RPS6KB1: variants seen among roughly 807,000 people sequenced by gnomAD.
RPS6KB1 encodes the protein ribosomal protein S6 kinase beta-1.
Under a neutral mutation model 70.2 loss-of-function variants are expected in RPS6KB1, and 12 were observed. That is an observed-to-expected ratio of 0.17 (90% CI 0.11 to 0.28). The LOEUF (loss-of-function observed/expected upper bound fraction) is 0.28, where lower values mean the gene tolerates loss of function less well. RPS6KB1 is among the 10% of genes least tolerant of loss of function. RPS6KB1 has a pLI of 1.00. For missense variants in RPS6KB1, 270 were observed against 646.6 expected (o/e 0.42, Z 6.32); for synonymous variants, 175 against 211.2 (o/e 0.83, Z 1.49).
At chr17:59,929,422 G>C (rs1187753846) in intron 5 of RPS6KB1, among the ~76,000 whole-genome samples, 1 of 152,188 alleles carries the variant, frequency 6.6e-6, no homozygotes, top group Non-Finnish European at 1.5e-5. Flanking sequence ...GACATCCATT[G>C]AATCTTGCCT....
chr17:59,912,474 C>A, intron 2 of RPS6KB1: 1 of 455,748 alleles, frequency 2.2e-6, no homozygotes, highest in South Asian at 3.1e-5. Flanking sequence ...AATTGATTGC[C>A]CATTCTATGA....
At chr17:59,899,094 C>T (rs2041746648) in intron 1 of RPS6KB1, among the ~76,000 whole-genome samples, 1 of 151,692 alleles carries the variant, frequency 6.6e-6, no homozygotes, top group Non-Finnish European at 1.5e-5. Context: ...ATCCCAGCTA[C>T]TCGGGAGGCT....
chr17:59,943,559 A>C (rs908935915), intron 13 of RPS6KB1, among the ~76,000 whole-genome samples: 2 of 152,030 alleles, frequency 1.3e-5, no homozygotes, highest in African/African-American at 4.8e-5. Flanking sequence ...AATTCTCTAC[A>C]TAAAGTGGAT....
Position 59,947,846 on chromosome 17 carries a change from G to T in RPS6KB1, c.*1058G>T, listed in dbSNP as rs1309906394. On this transcript the variant is annotated 3_prime_UTR_variant, in exon 15 of 15. Coordinates refer to ENST00000225577, the MANE Select transcript of RPS6KB1 (RefSeq NM_003161.4). ...TCCAGGGGAAGAGGGTGTTGCTGTG[G>T]CCCACTCTCTGTCTAATCTCTTTAC... 13 of 437,040 alleles carry T rather than the reference G, an allele frequency of 3.0e-5. No homozygotes were observed. The highest frequency in any genetic ancestry group is 8.5e-5 in the Admixed American group (2 of 23,558). 27.1% of individuals were successfully genotyped at this position (437,040 alleles called of 1,614,324 possible). A position where few individuals can be genotyped will look rare whatever the true frequency, so the allele number is the denominator to read the frequency against.
At position 59,934,567 on chromosome 17, in the gene RPS6KB1, T is replaced by TGA. The variant is rs774067299; in HGVS notation, c.870+45_870+46dup. 6.3e-6 allele frequency: 9 copies of TGA among 1,433,028 alleles called. No homozygotes were observed. The South Asian group carries it at 9.3e-5, about 15-fold the overall frequency. 88.8% of individuals were successfully genotyped at this position (1,433,028 alleles called of 1,614,324 possible). A position where few individuals can be genotyped will look rare whatever the true frequency, so the allele number is the denominator to read the frequency against. On this transcript the variant is annotated intron_variant, in intron 9 of 14. Transcript: ENST00000225577. The surrounding 1 kb of genome is among the most constrained non-coding windows in gnomAD (Gnocchi z 4.8). ...AGCTGCATGTATTATTGGTCTGTGC[T>TGA]GAGTCACTATAGCAAGAGACCTGTC...
intron 2 of RPS6KB1, among the ~76,000 whole-genome samples, chr17:59,911,265 A>T (rs1482576115): frequency 6.6e-6 from 1 of 152,252 alleles, no homozygotes; most frequent in African/African-American, 2.4e-5. Flanking sequence ...TGTACTCTCA[A>T]GTAAAAAGCA....
rs149509015 is a variant in RPS6KB1, at chr17:59,939,323, C to A, written c.1120-1513C>A. 8.7e-4 allele frequency among the ~76,000 whole-genome samples: 132 copies of A among 151,766 alleles called. No individual in the cohort carries two copies. The East Asian group carries it at 0.021, about 25-fold the overall frequency. On this transcript the variant is annotated intron_variant, in intron 12 of 14. Coordinates refer to ENST00000225577, the MANE Select transcript of RPS6KB1 (RefSeq NM_003161.4). ...TTGAGGCAGGGTCTTACTCTGTCACCCAAGCTGTAGTGCAGTGGTATAATC... is the reference window on the plus strand; with the variant it reads ...TTGAGGCAGGGTCTTACTCTGTCACACAAGCTGTAGTGCAGTGGTATAATC...
rs1010439631 is a variant in RPS6KB1 at position 59,893,515 on chromosome 17, A to G, written c.141+190A>G. 6.6e-5 allele frequency among the ~76,000 whole-genome samples: 10 copies of G among 152,308 alleles called. No homozygotes were observed. The highest frequency in any genetic ancestry group is 2.2e-4 in the African/African-American group (9 of 41,578). ...GGTGTGAGGCCTCTGCGGGGCTCGC[A>G]GGTGCAGGTCGCACCCTTAGCCCCA... On this transcript the variant is annotated intron_variant, in intron 1 of 14. Transcript: ENST00000225577. The surrounding 1 kb of genome is among the most constrained non-coding windows in gnomAD (Gnocchi z 4.1).
chr17:59,931,517 G>A (rs1278217309), intron 6 of RPS6KB1, 105 bp from the exon 7 acceptor site: 1 of 816,066 alleles, frequency 1.2e-6, no homozygotes, highest in Non-Finnish European at 2.1e-6. Context: ...CACTAATTTG[G>A]TCTTTGGTGC....
intron 6 of RPS6KB1, chr17:59,931,389 T>A: frequency 2.2e-6 from 1 of 462,162 alleles, no homozygotes. Flanking sequence ...TTTAGCAATA[T>A]ATTCTAATGG....
intron 4 of RPS6KB1, among the ~76,000 whole-genome samples, chr17:59,918,869 T>C (rs1252570860): frequency 6.8e-6 from 1 of 147,852 alleles, no homozygotes; most frequent in African/African-American, 2.5e-5. Context: ...TCTTGCTCTG[T>C]CGTCTAGGCT....
chr17:59,936,457 T>G lies in RPS6KB1; in HGVS notation c.1042-7T>G. 1.2e-6 allele frequency: 2 copies of G among 1,613,456 alleles called. No homozygotes were observed. The highest frequency in any genetic ancestry group is 1.7e-6 in the Non-Finnish European group (2 of 1,179,544). On this transcript the variant is annotated splice_polypyrimidine_tract_variant and splice_region_variant and intron_variant, in intron 11 of 14. Transcript: ENST00000225577. ...CTCAACTTTTCTTCCTGCTTTTTTTTTCCTAGGCTCATCCATTCTTTAGAC... is the reference window on the plus strand; with the variant it reads ...CTCAACTTTTCTTCCTGCTTTTTTTGTCCTAGGCTCATCCATTCTTTAGAC...
At chr17:59,935,453 G>C (rs747013728) in intron 10 of RPS6KB1, among the ~76,000 whole-genome samples, 153 bp downstream of exon 10, 1 of 152,022 alleles carries the variant, frequency 6.6e-6, no homozygotes, top group Non-Finnish European at 1.5e-5. Context: ...TTTGTTTAAA[G>C]ACTTTCTTTT....
At chr17:59,927,887 C>T (rs2043708059) in intron 5 of RPS6KB1, among the ~76,000 whole-genome samples, 2 of 151,630 alleles carry the variant, frequency 1.3e-5, no homozygotes, top group South Asian at 2.1e-4. Flanking sequence ...ATGCCAGGCT[C>T]AGTGGCTCAT....
chr17:59,910,022 T>C (rs771663088), intron 1 of RPS6KB1, among the ~76,000 whole-genome samples: 15 of 147,476 alleles, frequency 1.0e-4, no homozygotes, highest in Non-Finnish European at 2.1e-4. Flanking sequence ...AAAAAATATA[T>C]ATATATACAC....
intron 4 of RPS6KB1, among the ~76,000 whole-genome samples, chr17:59,915,796 TTTTA>T: frequency 7.2e-6 from 1 of 138,738 alleles, no homozygotes; most frequent in African/African-American, 2.7e-5. Flanking sequence ...TTTTTTTTTT[TTTTA>T]TTGTGACAGA....
chr17:59,915,799 T>TTTA (rs2042924832), intron 4 of RPS6KB1, among the ~76,000 whole-genome samples: 1 of 139,048 alleles, frequency 7.2e-6, no homozygotes, highest in African/African-American at 2.7e-5. Flanking sequence ...TTTTTTTTTT[T>TTTA]ATTGTGACAG....
intron 1 of RPS6KB1, among the ~76,000 whole-genome samples, chr17:59,901,958 G>A (rs1044383568): frequency 1.4e-5 from 2 of 146,784 alleles, no homozygotes; most frequent in Non-Finnish European, 3.0e-5. Flanking sequence ...GGTTGAGTTT[G>A]CCGTGATCCT....
At chr17:59,896,120 A>C (rs1227371139) in intron 1 of RPS6KB1, among the ~76,000 whole-genome samples, 3 of 152,122 alleles carry the variant, frequency 2.0e-5, no homozygotes, top group Non-Finnish European at 4.4e-5. Flanking sequence ...CAGGGGAGAA[A>C]ACTGGATAGG....
Sources: gnomAD v4.1 joint callset for allele counts (sites outside exome capture counted in the v4.1 genomes callset) on GRCh38, gnomAD v4.1.1 for gene constraint, Gnocchi (gnomAD v3.1) non-coding constraint, MANE v1.5 for transcripts, NCBI Gene and HGNC (gene_info 2026-07-23, HGNC 2026-07-21) for gene names.